Variants in XPO4 observed in about 807,000 individuals in gnomAD.
The protein encoded by XPO4 is exportin-4.
In XPO4, 39 loss-of-function variants were observed where a neutral mutation model predicts 143.0. The ratio of observed to expected loss-of-function variants is 0.27; its 90% confidence interval spans 0.21 to 0.36. XPO4 has a LOEUF of 0.36. Among genes scored for constraint, XPO4 ranks in the 10% least tolerant of loss-of-function variants. XPO4 has a pLI of 1.00. For missense variants in XPO4, 907 were observed against 1,348.0 expected, an observed-to-expected ratio of 0.67 and a Z score of 5.12; for synonymous variants, 439 against 474.0, an observed-to-expected ratio of 0.93 and a Z score of 0.96.
chr13:20,871,815 CA>C (rs1181177572), intron 1 of XPO4, among the ~76,000 whole-genome samples: 2 of 152,028 alleles, frequency 1.3e-5, no homozygotes, highest in African/African-American at 4.8e-5. Flanking sequence ...CTAGAAAGAA[CA>C]GGTCTGAATA....
intron 1 of XPO4, among the ~76,000 whole-genome samples, chr13:20,882,954 C>A (rs915686290): frequency 6.6e-6 from 1 of 152,020 alleles, no homozygotes; most frequent in African/African-American, 2.4e-5. Context: ...GTACTCAGAG[C>A]CCCGAGAGGC....
intron 9 of XPO4, among the ~76,000 whole-genome samples, chr13:20,816,482 C>T (rs934475133): frequency 5.3e-5 from 8 of 152,144 alleles, no homozygotes; most frequent in Admixed American, 3.3e-4. Context: ...ATTAATTTAA[C>T]TTCAGAATAC....
chr13:20,849,620 T>A (rs1281542788), intron 4 of XPO4: 7 of 985,186 alleles, frequency 7.1e-6, no homozygotes, highest in African/African-American at 1.7e-5. Context: ...GAAAACATCA[T>A]AACTGCCCAC....
At chr13:20,802,935 T>A (rs1233959773) in intron 13 of XPO4, among the ~76,000 whole-genome samples, 1 of 152,180 alleles carries the variant, frequency 6.6e-6, no homozygotes, top group Non-Finnish European at 1.5e-5. Context: ...AAACATAAAA[T>A]TGTATGCATC....
chr13:20,820,720 G>T (rs1234545536), intron 9 of XPO4, among the ~76,000 whole-genome samples: 1 of 151,978 alleles, frequency 6.6e-6, no homozygotes. Context: ...GTCTGACCTG[G>T]TTCCTTTCCT....
chr13:20,881,143 A>T (rs950867452), intron 1 of XPO4, among the ~76,000 whole-genome samples: 28 of 152,216 alleles, frequency 1.8e-4, no homozygotes, highest in African/African-American at 6.8e-4. Context: ...GATTAGAGGC[A>T]GGAGGAAATG....
chr13:20,790,286 C>T (rs780379515), intron 19 of XPO4, among the ~76,000 whole-genome samples, 176 bp downstream of exon 19: 30 of 152,120 alleles, frequency 2.0e-4, no homozygotes, highest in East Asian at 7.7e-4. Context: ...TAAGTAAGGG[C>T]CCATGTTACT....
intron 1 of XPO4, chr13:20,902,378 T>C: frequency 1.0e-6 from 1 of 985,446 alleles, no homozygotes; most frequent in Non-Finnish European, 1.2e-6. Flanking sequence ...CGACCCAGTC[T>C]GTGGGGCAGG....
intron 3 of XPO4, among the ~76,000 whole-genome samples, chr13:20,860,323 CTTA>C (rs2060185517): frequency 6.6e-6 from 1 of 152,170 alleles, no homozygotes; most frequent in South Asian, 2.1e-4. Context: ...GGCCCTAAGG[CTTA>C]TTTTCTTTTA....
rs561893134 is a variant in XPO4 at position 20,861,108 on chromosome 13, A to G, written c.317+1609T>C. On this transcript the variant is annotated intron_variant, in intron 3 of 22. Coordinates refer to ENST00000255305, the MANE Select transcript of XPO4 (RefSeq NM_022459.5). ...GCCATTAATCACCATTCCTAAGCAC[A>G]CACATTTCTGATTACATAACAAAAT... Among the ~76,000 whole-genome samples, 234 of 152,262 alleles carry G rather than the reference A, an allele frequency of 1.5e-3. 1 individual carries two copies. The highest frequency in any genetic ancestry group is 6.8e-3 in the Middle Eastern group (2 of 294).
In XPO4 at chr13:20,898,632, C is replaced by T. The variant is rs192852247; in HGVS notation, c.69+4038G>A. Among the ~76,000 whole-genome samples, 5 of 152,210 alleles carry T rather than the reference C, an allele frequency of 3.3e-5. No homozygotes were observed. In the East Asian group the frequency reaches 9.6e-4, roughly 29 times the overall value. On this transcript the variant is annotated intron_variant, in intron 1 of 22. Transcript: ENST00000255305. The stretch of plus-strand genomic sequence containing the variant: ...TGTATCAGTTAATATGTGTGCTCTG[C>T]ACTATCTTATATTATTGCTACACAC...
At chr13:20,888,822 G>C (rs79550734) in intron 1 of XPO4, among the ~76,000 whole-genome samples, 1 of 137,220 alleles carries the variant, frequency 7.3e-6, no homozygotes, top group Non-Finnish European at 1.6e-5. Flanking sequence ...TTTTTTTTTT[G>C]AGACAGTTTC....
intron 1 of XPO4, among the ~76,000 whole-genome samples, chr13:20,875,225 G>T (rs982684364): frequency 3.9e-5 from 6 of 152,040 alleles, no homozygotes; most frequent in African/African-American, 1.4e-4. Context: ...CTTTTTGGAG[G>T]TTACCAGTGA....
intron 7 of XPO4, among the ~76,000 whole-genome samples, chr13:20,823,840 C>T (rs557938959): frequency 7.2e-5 from 11 of 152,242 alleles, no homozygotes; most frequent in South Asian, 2.1e-4. Flanking sequence ...TTAGTAGAGA[C>T]GGGGTTTCGC....
At chr13:20,892,538 T>C (rs973279125) in intron 1 of XPO4, among the ~76,000 whole-genome samples, 2 of 152,130 alleles carry the variant, frequency 1.3e-5, no homozygotes, top group African/African-American at 4.8e-5. Context: ...AGCAACAAGG[T>C]GCCAAGCCCT....
At chr13:20,871,897 G>T (rs867902279) in intron 1 of XPO4, among the ~76,000 whole-genome samples, 8 of 152,156 alleles carry the variant, frequency 5.3e-5, no homozygotes, top group South Asian at 4.1e-4. Flanking sequence ...TCTAAAAGTT[G>T]ATTTATATTA....
intron 9 of XPO4, among the ~76,000 whole-genome samples, chr13:20,813,274 A>G (rs753590427): frequency 6.6e-5 from 10 of 152,276 alleles, no homozygotes; most frequent in African/African-American, 1.4e-4. Flanking sequence ...GAGCCAAACC[A>G]TCTCAATCTG....
At position 20,842,027 on chromosome 13, in the gene XPO4, G is replaced by T. The variant is rs142552529; in HGVS notation, c.727+868C>A. Among the ~76,000 whole-genome samples, 509 of 152,152 alleles carry T rather than the reference G, an allele frequency of 3.3e-3. 4 individuals carry two copies. Among genetic ancestry groups the T allele is most frequent in the African/African-American group, 0.012 (489 of 41,530 alleles). On this transcript the variant is annotated intron_variant, in intron 6 of 22. Coordinates refer to ENST00000255305, the MANE Select transcript of XPO4 (RefSeq NM_022459.5). The stretch of plus-strand genomic sequence containing the variant: ...ATAATGAACTATTTAATTCACGGAG[G>T]CTATTAAGAGCTCAATAAATAGTAA...
intron 6 of XPO4, among the ~76,000 whole-genome samples, chr13:20,829,763 AGGGGGG>A (rs1237019028): frequency 6.6e-6 from 1 of 152,184 alleles, no homozygotes; most frequent in African/African-American, 2.4e-5. Flanking sequence ...TAATACAGCA[AGGGGGG>A]CAACAGTGTG....
Sources: allele counts gnomAD v4.1 joint callset (sites outside exome capture counted in the v4.1 genomes callset), GRCh38; gene constraint gnomAD v4.1.1; transcripts MANE v1.5; gene names NCBI Gene and HGNC (gene_info 2026-07-23, HGNC 2026-07-21).